MYO1D: variants seen among roughly 807,000 people sequenced by gnomAD.
MYO1D encodes the protein myosin ID.
MYO1D carries 83 observed loss-of-function variants against 122.0 expected under a neutral mutation model. That is an observed-to-expected ratio of 0.68 (90% CI 0.57 to 0.82). The LOEUF (loss-of-function observed/expected upper bound fraction) is 0.82. Ranked by LOEUF, MYO1D falls within the 40% of genes least tolerant of loss-of-function variation. The pLI is 0.00. For synonymous variants in MYO1D, 464 were observed against 446.9 expected, an observed-to-expected ratio of 1.04 and a Z score of -0.48; for missense variants, 1,157 against 1,269.5, an observed-to-expected ratio of 0.91 and a Z score of 1.35.
Position 32,632,311 on chromosome 17 carries a change from T to A in MYO1D, c.2709+6411A>T, listed in dbSNP as rs559185637. The A allele has an allele frequency of 1.9e-4, 29 of 152,222 alleles. No homozygotes were observed. In the South Asian group the frequency reaches 4.6e-3, roughly 24 times the overall value. The allele number at this position is 152,222 out of a possible 1,614,324, so 9.4% of individuals were successfully genotyped here. On this transcript the variant is annotated intron_variant, in intron 20 of 21. Transcript: ENST00000318217. The stretch of plus-strand genomic sequence containing the variant: ...ATATGGCCTATAGACATGTTTTTTT[T>A]ATTTGGCTTGCAAGGCATTTTAAAG...
At chr17:32,549,757 C>T (rs550602198) in intron 21 of MYO1D, among the ~76,000 whole-genome samples, 3 of 152,280 alleles carry the variant, frequency 2.0e-5, no homozygotes, top group African/African-American at 7.2e-5. Flanking sequence ...ATCCCAGAGC[C>T]TCATTTTCCT....
chr17:32,575,049 CG>C lies in MYO1D; in HGVS notation c.2864+30037del, dbSNP rs554111715. On this transcript the variant is annotated intron_variant, in intron 21 of 21. Coordinates refer to ENST00000318217, the MANE Select transcript of MYO1D (RefSeq NM_015194.3). ...AATCGTGGGAGCTGATGGGAAGTAT[CG>C]GAAGTATTATTGTTATTAATAAAAG... is the stretch of plus-strand genomic sequence containing the variant. Among the ~76,000 whole-genome samples, 129 of 152,166 alleles carry C rather than the reference CG, an allele frequency of 8.5e-4. 2 individuals carry two copies. The highest frequency in any genetic ancestry group is 1.7e-3 in the South Asian group (8 of 4,812).
intron 16 of MYO1D, among the ~76,000 whole-genome samples, chr17:32,667,953 A>C (rs1245342341): frequency 6.6e-6 from 1 of 152,196 alleles, no homozygotes; most frequent in Non-Finnish European, 1.5e-5. Context: ...AGAACAGCCC[A>C]ATATCAACAC....
At chr17:32,805,822 C>A (rs2090505589) in intron 1 of MYO1D, among the ~76,000 whole-genome samples, 1 of 152,158 alleles carries the variant, frequency 6.6e-6, no homozygotes, top group Admixed American at 6.5e-5. Context: ...GTGTTCCTTC[C>A]TAGAGTTACT....
intron 8 of MYO1D, among the ~76,000 whole-genome samples, chr17:32,762,735 A>G (rs1484649591): frequency 6.6e-6 from 1 of 152,066 alleles, no homozygotes; most frequent in South Asian, 2.1e-4. Flanking sequence ...TTAGCCAGGC[A>G]TGGTGGCGGG....
chr17:32,620,051 C>T lies in MYO1D; in HGVS notation c.2710-14810G>A, dbSNP rs566768002. ...AAGGTGAGGACAAATACTTTACTGCCGGATGGGAGTGGAAGTCCAGGCCCC... is the reference window on the plus strand; with the variant it reads ...AAGGTGAGGACAAATACTTTACTGCTGGATGGGAGTGGAAGTCCAGGCCCC... On this transcript the variant is annotated intron_variant, in intron 20 of 21. Coordinates refer to ENST00000318217, the MANE Select transcript of MYO1D (RefSeq NM_015194.3). Among the ~76,000 whole-genome samples the T allele has an allele frequency of 5.3e-5, 8 of 152,244 alleles. No homozygotes were observed. In the East Asian group the frequency reaches 5.8e-4, roughly 11 times the overall value.
intron 21 of MYO1D, among the ~76,000 whole-genome samples, chr17:32,593,103 T>C (rs1428147765): frequency 7.6e-6 from 1 of 130,802 alleles, no homozygotes; most frequent in East Asian, 2.0e-4. Flanking sequence ...ACCCATGCCA[T>C]GACAACCATT....
In MYO1D at chr17:32,779,189, T is replaced by G. The variant is rs1057358746; in HGVS notation, c.305-616A>C. ...ATGCCTTCTGACTCAAAAATTCCAC[T>G]GGTAGAAATTTCTCCTAAGGAAATA... On this transcript the variant is annotated intron_variant, in intron 2 of 21. Transcript: ENST00000318217. Among the ~76,000 whole-genome samples the G allele has an allele frequency of 3.2e-4, 49 of 152,248 alleles. 1 individual carries two copies. The highest frequency in any genetic ancestry group is 6.8e-3 in the Middle Eastern group (2 of 294).
chr17:32,539,696 A>G (rs1222482265), intron 21 of MYO1D, among the ~76,000 whole-genome samples: 1 of 152,198 alleles, frequency 6.6e-6, no homozygotes, highest in Non-Finnish European at 1.5e-5. Flanking sequence ...GCTCACCTGA[A>G]TAATCCAGGA....
At chr17:32,530,227 C>T (rs181752355) in intron 21 of MYO1D, among the ~76,000 whole-genome samples, 9 of 152,332 alleles carry the variant, frequency 5.9e-5, no homozygotes, top group African/African-American at 1.9e-4. Context: ...CACAGAACCT[C>T]TCTAAGCCTT....
intron 5 of MYO1D, 68 bp downstream of exon 5, chr17:32,772,721 A>G: frequency 7.5e-7 from 1 of 1,338,520 alleles, no homozygotes. Context: ...GGGAAAGCCC[A>G]AGACACAAAT....
At chr17:32,741,248 A>G (rs1351553099) in intron 13 of MYO1D, among the ~76,000 whole-genome samples, 1 of 151,706 alleles carries the variant, frequency 6.6e-6, no homozygotes. Context: ...AAAAGAAAAG[A>G]AAAATCATTA....
intron 21 of MYO1D, among the ~76,000 whole-genome samples, chr17:32,522,198 A>C (rs1910170815): frequency 6.6e-6 from 1 of 152,184 alleles, no homozygotes; most frequent in Non-Finnish European, 1.5e-5. Flanking sequence ...TTAATCAAGC[A>C]AAACATTAAC....
At chr17:32,845,162 T>C (rs946376906) in intron 1 of MYO1D, among the ~76,000 whole-genome samples, 3 of 152,120 alleles carry the variant, frequency 2.0e-5, no homozygotes, top group African/African-American at 7.2e-5. Context: ...ACTCCCTTTT[T>C]AAAAAAATTA....
At chr17:32,816,616 G>C (rs374346359) in intron 1 of MYO1D, among the ~76,000 whole-genome samples, 87 of 152,130 alleles carry the variant, frequency 5.7e-4, no homozygotes, top group African/African-American at 2.0e-3. Context: ...TCTAGGCAAG[G>C]GAAAAAACAT....
At chr17:32,710,811 AT>A (rs2089366310) in intron 16 of MYO1D, among the ~76,000 whole-genome samples, 1 of 152,232 alleles carries the variant, frequency 6.6e-6, no homozygotes, top group Non-Finnish European at 1.5e-5. Flanking sequence ...GCAAAGAAGC[AT>A]TTAATGAGAT....
At chr17:32,772,884 C>T (rs1201833210) in intron 4 of MYO1D, 42 bp from the exon 5 acceptor site, 5 of 1,552,428 alleles carry the variant, frequency 3.2e-6, no homozygotes, top group Non-Finnish European at 4.4e-6. Context: ...GAAAATGTGC[C>T]CCTAAAATAA....
intron 1 of MYO1D, among the ~76,000 whole-genome samples, chr17:32,824,514 C>T (rs745558983): frequency 7.9e-5 from 12 of 152,296 alleles, no homozygotes; most frequent in Non-Finnish European, 1.0e-4. Flanking sequence ...GTGCCAGGCA[C>T]GTCCCCCAAA....
intron 11 of MYO1D, among the ~76,000 whole-genome samples, chr17:32,753,316 T>C (rs2089916613): frequency 6.6e-6 from 1 of 152,124 alleles, no homozygotes. Flanking sequence ...ATAGGTAAGC[T>C]AGAGGCCCAA....
Sources: gnomAD v4.1 joint callset for allele counts (sites outside exome capture counted in the v4.1 genomes callset) on GRCh38, gnomAD v4.1.1 for gene constraint, MANE v1.5 for transcripts, NCBI Gene and HGNC (gene_info 2026-07-23, HGNC 2026-07-21) for gene names.